Variants in TTLL5 observed in about 807,000 individuals in gnomAD.
TTLL5 encodes the protein tubulin tyrosine ligase like 5, also known as tubulin polyglutamylase TTLL5.
A neutral mutation model predicts 168.4 loss-of-function variants in TTLL5; 132 were observed. The ratio of observed to expected loss-of-function variants is 0.78; its 90% CI spans 0.68 to 0.91. The LOEUF is 0.91. TTLL5 is among the 40% of genes least tolerant of loss of function. The pLI is 0.00. For synonymous variants in TTLL5, 546 were observed against 558.6 expected, an observed-to-expected ratio of 0.98 and a Z score of 0.32; for missense variants, 1,545 against 1,581.5, an observed-to-expected ratio of 0.98 and a Z score of 0.39.
chr14:75,951,251 G>C (rs1221947251), intron 31 of TTLL5, among the ~76,000 whole-genome samples: 2 of 151,820 alleles, frequency 1.3e-5, no homozygotes, highest in Middle Eastern at 3.4e-3. Flanking sequence ...AGGAGGCTGA[G>C]GCAGGAGGAT....
At chr14:75,885,451 C>T (rs1488559124) in intron 30 of TTLL5, among the ~76,000 whole-genome samples, 1 of 152,178 alleles carries the variant, frequency 6.6e-6, no homozygotes, top group African/African-American at 2.4e-5. Flanking sequence ...GAGATCGTAC[C>T]ACTGCACTCC....
intron 18 of TTLL5, 56 bp downstream of exon 18, chr14:75,753,011 A>AT: frequency 1.3e-6 from 2 of 1,529,304 alleles, no homozygotes; most frequent in Non-Finnish European, 1.8e-6. Flanking sequence ...AACAGAAAGT[A>AT]CATGTCAAAG....
chr14:75,667,981 G>A (rs1159325675), intron 2 of TTLL5, among the ~76,000 whole-genome samples: 2 of 151,806 alleles, frequency 1.3e-5, no homozygotes, highest in Admixed American at 6.6e-5. Context: ...GGATGGTCTC[G>A]ATCTCTTGAC....
intron 15 of TTLL5, among the ~76,000 whole-genome samples, chr14:75,742,169 C>G (rs1889314382): frequency 6.6e-6 from 1 of 152,150 alleles, no homozygotes; most frequent in Non-Finnish European, 1.5e-5. Flanking sequence ...TATCAACCTT[C>G]TAAGTAACAT....
chr14:75,758,230 A>G lies in TTLL5; in HGVS notation c.1550+5275A>G, dbSNP rs1441760097. Among the ~76,000 whole-genome samples the G allele has an allele frequency of 3.9e-5, 6 of 152,164 alleles. No individual in the cohort carries two copies. In the East Asian group the frequency reaches 1.2e-3, roughly 29 times the overall value. ...CTCTGTGCCTCATGGTACAGAAGAG[A>G]ACCTGTTTCTAGTTTGCCACAGAAC... is the stretch of plus-strand genomic sequence containing the variant. On this transcript the variant is annotated intron_variant, in intron 18 of 31. Transcript: ENST00000298832.
chr14:75,849,154 G>A (rs1896712074), intron 28 of TTLL5, among the ~76,000 whole-genome samples: 1 of 152,172 alleles, frequency 6.6e-6, no homozygotes, highest in Non-Finnish European at 1.5e-5. Flanking sequence ...TCAAAGTAAA[G>A]TTAGCCAAAA....
At chr14:75,703,058 A>G (rs924444113) in intron 7 of TTLL5, among the ~76,000 whole-genome samples, 4 of 152,162 alleles carry the variant, frequency 2.6e-5, no homozygotes, top group Admixed American at 2.6e-4. Context: ...CCCATGGAAT[A>G]TGTGACCCAT....
In TTLL5 at chr14:75,679,321, A is replaced by G. The variant is rs561640322; in HGVS notation, c.182-2224A>G. Among the ~76,000 whole-genome samples, 5 of 152,300 alleles carry G rather than the reference A, an allele frequency of 3.3e-5. No homozygotes were observed. In the South Asian group the frequency reaches 6.2e-4, roughly 19 times the overall value. ...CTACATGCAACCATGGTTGACTTCA[A>G]AGATAGAGGAAGGGGACCATAAGCC... On this transcript the variant is annotated intron_variant, in intron 3 of 31. Coordinates refer to ENST00000298832, the MANE Select transcript of TTLL5 (RefSeq NM_015072.5).
At chr14:75,695,658 A>G (rs11159150) in intron 6 of TTLL5, among the ~76,000 whole-genome samples, 90,416 of 151,978 alleles carry the variant, frequency 0.59, 28,460 homozygotes, top group Non-Finnish European at 0.7. Flanking sequence ...CAGACCGGCC[A>G]ACACTTAGGG....
chr14:75,910,983 G>GT (rs1222982676), intron 31 of TTLL5, among the ~76,000 whole-genome samples: 5 of 151,874 alleles, frequency 3.3e-5, no homozygotes, highest in East Asian at 1.9e-4. Context: ...TGAATGCAGG[G>GT]TTTTTTTGTT....
At chr14:75,905,534 A>G (rs543202797) in intron 31 of TTLL5, among the ~76,000 whole-genome samples, 5 of 152,314 alleles carry the variant, frequency 3.3e-5, no homozygotes, top group Middle Eastern at 6.8e-3. Context: ...TTTTTCCTTG[A>G]CTTACCAACC....
chr14:75,944,985 A>C (rs180728736), intron 31 of TTLL5, among the ~76,000 whole-genome samples: 182 of 152,146 alleles, frequency 1.2e-3, no homozygotes, highest in African/African-American at 4.3e-3. Context: ...TCATCTCCCA[A>C]GTGCTAGCAG....
intron 29 of TTLL5, among the ~76,000 whole-genome samples, chr14:75,864,192 T>C (rs975323376): frequency 5.9e-5 from 9 of 152,216 alleles, no homozygotes; most frequent in Admixed American, 1.3e-4. Context: ...GATTCTAAGA[T>C]ACCTGAAAGC....
intron 20 of TTLL5, among the ~76,000 whole-genome samples, chr14:75,769,235 C>A (rs2140304192): frequency 6.6e-6 from 1 of 152,268 alleles, no homozygotes; most frequent in South Asian, 2.1e-4. Context: ...AGACTGTGTT[C>A]CCTAAAGCTG....
At chr14:75,692,838 A>G (rs1373387151) in intron 6 of TTLL5, among the ~76,000 whole-genome samples, 1 of 152,098 alleles carries the variant, frequency 6.6e-6, no homozygotes, top group East Asian at 1.9e-4. Context: ...CAGGGTATGG[A>G]TTTGGATGTC....
At chr14:75,807,431 A>G (rs1893722136) in intron 27 of TTLL5, among the ~76,000 whole-genome samples, 1 of 152,230 alleles carries the variant, frequency 6.6e-6, no homozygotes, top group African/African-American at 2.4e-5. Context: ...ACAAAGTAAG[A>G]AAGACCCTGT....
chr14:75,703,310 C>T (rs1886415857), intron 7 of TTLL5, among the ~76,000 whole-genome samples: 2 of 152,162 alleles, frequency 1.3e-5, no homozygotes, highest in Non-Finnish European at 2.9e-5. Context: ...GTAGTCATAA[C>T]CTTTTGGAAA....
Position 75,716,103 on chromosome 14 carries a change from A to G in TTLL5, c.741-1758A>G, listed in dbSNP as rs1594916402. ...GCACGGGGCCCCTTTGCATCTCACA[A>G]GAATTCAGAGAATGACAGTCTGCAA... On this transcript the variant is annotated intron_variant, in intron 9 of 31. Transcript: ENST00000298832. Among the ~76,000 whole-genome samples the G allele has an allele frequency of 2.6e-5, 4 of 152,302 alleles. No individual in the cohort carries two copies. The South Asian group carries it at 6.2e-4, about 24-fold the overall frequency.
intron 20 of TTLL5, among the ~76,000 whole-genome samples, chr14:75,766,677 G>C (rs994094026): frequency 6.6e-6 from 1 of 152,148 alleles, no homozygotes; most frequent in Non-Finnish European, 1.5e-5. Flanking sequence ...CAGAGACAGA[G>C]AGCTCAGGCC....
Sources: allele counts gnomAD v4.1 joint callset (sites outside exome capture counted in the v4.1 genomes callset), GRCh38; gene constraint gnomAD v4.1.1; transcripts MANE v1.5; gene names NCBI Gene and HGNC (gene_info 2026-07-23, HGNC 2026-07-21).